The following ARFGAP2 variants were observed in gnomAD, a reference collection of about 807,000 sequenced individuals.
ARFGAP2 encodes ARF GTPase activating protein 2, also known as ADP-ribosylation factor GTPase-activating protein 2.
In ARFGAP2, 45 loss-of-function variants were observed where a neutral mutation model predicts 71.9. The observed-to-expected ratio is 0.63, with a 90% confidence interval of 0.49 to 0.80. The LOEUF (loss-of-function observed/expected upper bound fraction) is 0.80. Among genes scored for constraint, ARFGAP2 ranks in the 30% least tolerant of loss-of-function variants. The probability of loss-of-function intolerance (pLI) is 0.00; values close to 1 mark genes in which losing one functional copy is unlikely to be tolerated. For synonymous variants in ARFGAP2, 248 were observed against 249.2 expected, an observed-to-expected ratio of 1.00 and a Z score of 0.05; for missense variants, 633 against 673.9, an observed-to-expected ratio of 0.94 and a Z score of 0.67.
In ARFGAP2 at chr11:47,164,388, C is replaced by A; in HGVS notation, c.*1094G>T. 1.9e-6 allele frequency: 2 copies of A among 1,042,408 alleles called. No individual in the cohort carries two copies. Among genetic ancestry groups the A allele is most frequent in the Non-Finnish European group, 2.7e-6 (2 of 750,278 alleles). The allele number at this position is 1,042,408 out of a possible 1,614,324, so 64.6% of individuals were successfully genotyped here. On this transcript the variant is annotated 3_prime_UTR_variant, in exon 16 of 16. Coordinates refer to ENST00000524782, the MANE Select transcript of ARFGAP2 (RefSeq NM_032389.6). ...AATACAAACAGTCCAGAAAGAAAGT[C>A]AAGTCCCTCTGGGGGAGGGGCAAGG...
intron 5 of ARFGAP2, 41 bp downstream of exon 5, chr11:47,174,974 G>C (rs941759494): frequency 5.0e-6 from 8 of 1,606,202 alleles, no homozygotes; most frequent in African/African-American, 2.7e-5. Flanking sequence ...TAAATTGCCT[G>C]TCAAGAACAA....
chr11:47,176,338 C>G lies in ARFGAP2; in HGVS notation c.191+178G>C, dbSNP rs191791948. 810 of 644,016 alleles carry G rather than the reference C, an allele frequency of 1.3e-3. 6 individuals are homozygous for G. In the African/African-American group the frequency reaches 0.013, roughly 11 times the overall value. 39.9% of individuals were successfully genotyped at this position (644,016 alleles called of 1,614,324 possible). A position where few individuals can be genotyped will look rare whatever the true frequency, so the allele number is the denominator to read the frequency against. On this transcript the variant is annotated intron_variant, in intron 2 of 15. Transcript: ENST00000524782. ...TGGCCCAGAGGCGGAGACGGACCGC[C>G]CATGTGCCAAAGGGCCCACACAGGT...
At chr11:47,175,427 T>C (rs1952767262) in intron 3 of ARFGAP2, 114 bp from the exon 4 acceptor site, 2 of 1,503,246 alleles carry the variant, frequency 1.3e-6, no homozygotes, top group East Asian at 2.3e-5. Context: ...TACAGGATGA[T>C]ACACGCTACT....
At chr11:47,168,446 G>A (rs1952475405) in intron 10 of ARFGAP2, 195 bp from the exon 11 acceptor site, 1 of 626,870 alleles carries the variant, frequency 1.6e-6, no homozygotes, top group Non-Finnish European at 2.7e-6. Flanking sequence ...GCACACCTCA[G>A]AATTCTTTAC....
rs752788617 is a variant in ARFGAP2, at chr11:47,171,493, GCTT to G, written c.871_873del (p.Lys291del). 20 of 1,614,116 alleles carry G rather than the reference GCTT, an allele frequency of 1.2e-5. No individual in the cohort carries two copies. Among genetic ancestry groups the G allele is most frequent in the Non-Finnish European group, 1.7e-5 (20 of 1,180,062 alleles). On this transcript the variant is annotated inframe_deletion, in exon 10 of 16. Coordinates refer to ENST00000524782, the MANE Select transcript of ARFGAP2 (RefSeq NM_032389.6). ...CGCTTCTTCCCTTCCAGATTCTGTAGCTTCTTTTCCTCTTTCTTACGATCAATC... is the reference window on the plus strand; with the variant it reads ...CGCTTCTTCCCTTCCAGATTCTGTAGCTTTTCCTCTTTCTTACGATCAATC...
chr11:47,168,068 G>C (rs1432392972), intron 11 of ARFGAP2, 25 bp from the exon 12 acceptor site: 2 of 1,614,036 alleles, frequency 1.2e-6, no homozygotes, highest in African/African-American at 2.7e-5. Flanking sequence ...GAGTGGCTCA[G>C]AGAAGCCTGA....
intron 6 of ARFGAP2, 50 bp from the exon 7 acceptor site, chr11:47,173,532 C>T: frequency 2.0e-6 from 3 of 1,517,106 alleles, no homozygotes; most frequent in Non-Finnish European, 1.8e-6. Context: ...CTTCCTGCAA[C>T]CTCCCCTTGA....
Position 47,173,446 on chromosome 11 carries a change from G to T in ARFGAP2, c.599C>A (p.Thr200Asn), listed in dbSNP as rs986520952. The T allele has an allele frequency of 1.3e-6, 2 of 1,558,108 alleles. No individual in the cohort carries two copies. Among genetic ancestry groups the T allele is most frequent in the East Asian group, 4.8e-5 (2 of 41,774 alleles). ...EHGPNTDLLG[T>N]SPKASLELKS... ...CTGACCCAGTGAGGCTTTGGGTGAG[G>T]TGCCAAGCAGGTCTGTGTTGGGGCC... Residue 200 changes from threonine (T) to asparagine (N), a missense_variant, in exon 7 of 16, where the codon ACC becomes AAC. Physicochemically the swap from Thr to Asn is moderately conservative, Grantham distance 65. Coordinates refer to ENST00000524782, the MANE Select transcript of ARFGAP2 (RefSeq NM_032389.6).
At chr11:47,165,738 G>A (rs765560904) in intron 15 of ARFGAP2, among the ~76,000 whole-genome samples, 4 of 152,158 alleles carry the variant, frequency 2.6e-5, no homozygotes, top group African/African-American at 4.8e-5. Flanking sequence ...GAGAAAGAGC[G>A]GTACAGGTGA....
At chr11:47,173,385 C>T in intron 7 of ARFGAP2, 41 bp downstream of exon 7, 5 of 1,551,078 alleles carry the variant, frequency 3.2e-6, no homozygotes, top group Non-Finnish European at 4.4e-6. Flanking sequence ...TGAGGTCCAC[C>T]CTCTCCCAGA....
chr11:47,166,187 G>C lies in ARFGAP2; in HGVS notation c.1545+81C>G, dbSNP rs1952367818. On this transcript the variant is annotated intron_variant, in intron 15 of 15. Coordinates refer to ENST00000524782, the MANE Select transcript of ARFGAP2 (RefSeq NM_032389.6). ...GAAAATGCTCTTAAGGCTCAGAGGG[G>C]CTGAGCAGTAGCAGTGTCTCTATGT... 3.6e-6 allele frequency: 5 copies of C among 1,399,734 alleles called. No homozygotes were observed. The Admixed American group carries it at 8.6e-5, about 24-fold the overall frequency. 86.7% of individuals were successfully genotyped at this position (1,399,734 alleles called of 1,614,324 possible).
chr11:47,166,853 G>C lies in ARFGAP2; in HGVS notation c.1239C>G (p.Ser413Arg), dbSNP rs765452327. ...ATNRREVESR[S>R]SGLESSEARQ... ...GCGCCTCACTAGACTCGAGGCCTGA[G>C]CTCCGGCTCTCCACTTCCCTCCGGT... Residue 413 changes from serine (S) to arginine (R), a missense_variant, in exon 13 of 16, where the codon AGC (serine) becomes AGG (arginine). Transcript: ENST00000524782. 3 of 1,613,890 alleles carry C rather than the reference G, an allele frequency of 1.9e-6. No individual in the cohort carries two copies. The highest frequency in any genetic ancestry group is 1.1e-5 in the South Asian group (1 of 91,094).
intron 7 of ARFGAP2, chr11:47,172,741 A>T: frequency 7.7e-7 from 1 of 1,294,756 alleles, no homozygotes; most frequent in African/African-American, 1.5e-5. Flanking sequence ...TAGCTGACAG[A>T]TACACGGACT....
rs1460359343 is a variant in ARFGAP2 at position 47,165,488 on chromosome 11, G to A, written c.1560C>T (p.Ser520=). 22 of 1,573,218 alleles carry A rather than the reference G, an allele frequency of 1.4e-5. No individual in the cohort carries two copies. The highest frequency in any genetic ancestry group is 1.9e-5 in the Non-Finnish European group (22 of 1,160,058). The change falls in exon 16 of 16, where the codon TCC becomes TCT. Residue 520 remains serine, a synonymous_variant. Coordinates refer to ENST00000524782, the MANE Select transcript of ARFGAP2 (RefSeq NM_032389.6). ...VMNSLQDRYG[S]Y is the part of the protein sequence containing the mutation. ...CTGAGTCACAGAGCTCGGATCAGTA[G>A]GAACCGTAGCGATCCTGGGGGCGAG...
intron 7 of ARFGAP2, among the ~76,000 whole-genome samples, chr11:47,172,556 A>T (rs190411629): frequency 6.6e-6 from 1 of 152,258 alleles, no homozygotes; most frequent in East Asian, 1.9e-4. Flanking sequence ...CCTAGACCTG[A>T]AGCACCAGAG....
In ARFGAP2 at chr11:47,166,492, C is replaced by G. The variant is rs200822477; in HGVS notation, c.1426+14G>C. On this transcript the variant is annotated intron_variant, in intron 14 of 15. Coordinates refer to ENST00000524782, the MANE Select transcript of ARFGAP2 (RefSeq NM_032389.6). Reference sequence around the variant, plus strand: ...AGGCCTCACTTGGTGCCTGCCACCCCACCAGGGCCCTACCTGCTCCGTGAG... The same window carrying G: ...AGGCCTCACTTGGTGCCTGCCACCCGACCAGGGCCCTACCTGCTCCGTGAG... The G allele has an allele frequency of 1.9e-6, 3 of 1,612,828 alleles. No individual in the cohort carries two copies. Among genetic ancestry groups the G allele is most frequent in the Non-Finnish European group, 2.5e-6 (3 of 1,179,800 alleles).
chr11:47,171,901 T>C, intron 8 of ARFGAP2, 101 bp from the exon 9 acceptor site: 1 of 1,506,138 alleles, frequency 6.6e-7, no homozygotes, highest in Non-Finnish European at 8.9e-7. Context: ...AAGGCCCTTC[T>C]TAAAATTTAG....
chr11:47,172,997 G>C, intron 7 of ARFGAP2: 1 of 354,748 alleles, frequency 2.8e-6, no homozygotes, highest in South Asian at 2.2e-5. Flanking sequence ...GAAAATGTAG[G>C]AAAGAGTTAA....
At chr11:47,167,865 TA>T (rs34204386) in intron 12 of ARFGAP2, 43 bp downstream of exon 12, 109,300 of 1,093,786 alleles carry the variant, frequency 0.1, no homozygotes, top group South Asian at 0.13. Context: ...TCAGCTTGTT[TA>T]AAAAAAAAAA....
Sources: gnomAD v4.1 joint callset for allele counts (sites outside exome capture counted in the v4.1 genomes callset) on GRCh38, gnomAD v4.1.1 for gene constraint, MANE v1.5 for transcripts, NCBI Gene and HGNC (gene_info 2026-07-23, HGNC 2026-07-21) for gene names.